ERBB4: variants seen among roughly 807,000 people sequenced by gnomAD.
ERBB4 encodes erb-b2 receptor tyrosine kinase 4.
In ERBB4, 42 loss-of-function variants were observed where a neutral mutation model predicts 158.0. The observed-to-expected ratio is 0.27, with a 90% CI of 0.21 to 0.34. The LOEUF (loss-of-function observed/expected upper bound fraction) is 0.34. Ranked by LOEUF, ERBB4 falls within the 10% of genes least tolerant of loss-of-function variation. ERBB4 has a pLI of 1.00. For synonymous variants in ERBB4, 583 were observed against 558.7 expected, an observed-to-expected ratio of 1.04 and a Z score of -0.61; for missense variants, 1,333 against 1,624.1, an observed-to-expected ratio of 0.82 and a Z score of 3.08.
chr2:212,011,550 A>G (rs537670326), intron 2 of ERBB4, among the ~76,000 whole-genome samples: 1 of 152,216 alleles, frequency 6.6e-6, no homozygotes, highest in Admixed American at 6.5e-5. Flanking sequence ...CATGAGTTCA[A>G]GACCAGCCTG....
intron 2 of ERBB4, among the ~76,000 whole-genome samples, chr2:212,094,070 G>A (rs1257956422): frequency 6.6e-6 from 1 of 151,802 alleles, no homozygotes; most frequent in Non-Finnish European, 1.5e-5. Context: ...ACCATAATAT[G>A]GTTTGGATGT....
chr2:212,080,889 T>C (rs1399938195), intron 2 of ERBB4, among the ~76,000 whole-genome samples: 1 of 152,164 alleles, frequency 6.6e-6, no homozygotes, highest in Non-Finnish European at 1.5e-5. Flanking sequence ...AGCAACCTCA[T>C]AAATCGAATA....
intron 4 of ERBB4, among the ~76,000 whole-genome samples, chr2:211,780,635 T>C (rs1055468555): frequency 2.0e-5 from 3 of 152,218 alleles, no homozygotes; most frequent in Non-Finnish European, 4.4e-5. Flanking sequence ...CAAAACAGCA[T>C]TAAAAAGGCA....
At chr2:212,305,573 C>CA (rs149644422) in intron 1 of ERBB4, among the ~76,000 whole-genome samples, 17,554 of 150,336 alleles carry the variant, frequency 0.12, 1,428 homozygotes, top group Non-Finnish European at 0.18. Flanking sequence ...TGAATCAAAG[C>CA]AAAAAAAACC....
At chr2:212,433,077 T>TATA (rs1217470428) in intron 1 of ERBB4, among the ~76,000 whole-genome samples, 1 of 152,092 alleles carries the variant, frequency 6.6e-6, no homozygotes, top group Non-Finnish European at 1.5e-5. Flanking sequence ...ATTTATAACA[T>TATA]ACAAATCCGA....
At chr2:212,200,103 T>A (rs562185404) in intron 1 of ERBB4, among the ~76,000 whole-genome samples, 80 of 152,314 alleles carry the variant, frequency 5.3e-4, no homozygotes, top group African/African-American at 1.8e-3. Context: ...TATAGGACAT[T>A]AATTTCATCT....
chr2:212,188,214 CTCTCTCTCTCTCTCTCTCT>C, intron 1 of ERBB4, among the ~76,000 whole-genome samples: 2 of 32,800 alleles, frequency 6.1e-5, no homozygotes, highest in African/African-American at 1.1e-4. Context: ...CTCTCTCTCT[CTCTCTCTCTCTCTCTCTCT>C]CCCCCCCCCT....
chr2:212,469,221 G>T (rs11675580), intron 1 of ERBB4, among the ~76,000 whole-genome samples: 46,629 of 151,962 alleles, frequency 0.31, 8,229 homozygotes, highest in Non-Finnish European at 0.4. Flanking sequence ...TATCCTTTCA[G>T]TATTTATAGA....
rs373845830 is a variant in ERBB4 at position 211,721,926 on chromosome 2, C to T, written c.883+467G>A. On this transcript the variant is annotated intron_variant, in intron 7 of 27. Coordinates refer to ENST00000342788, the MANE Select transcript of ERBB4 (RefSeq NM_005235.3). ...CACCCAGGCTGGAGTACAGTGGCAC[C>T]GTCTCGGCTCACTGCAACCTCCACC... 6.6e-5 allele frequency among the ~76,000 whole-genome samples: 10 copies of T among 151,888 alleles called. No individual in the cohort carries two copies. The South Asian group carries it at 1.0e-3, about 16-fold the overall frequency.
chr2:211,915,746 T>C (rs2079671363), intron 3 of ERBB4, among the ~76,000 whole-genome samples: 2 of 151,498 alleles, frequency 1.3e-5, no homozygotes, highest in Non-Finnish European at 2.9e-5. Flanking sequence ...GATAGAGATA[T>C]AAGAAAAAGA....
rs112715095 is a variant in ERBB4, at chr2:211,768,202, C to T, written c.557-17498G>A. On this transcript the variant is annotated intron_variant, in intron 4 of 27. Coordinates refer to ENST00000342788, the MANE Select transcript of ERBB4 (RefSeq NM_005235.3). The stretch of plus-strand genomic sequence containing the variant: ...GGCTCCATGTCTCACATCCAGGTCA[C>T]GTTGATGCAAGAGGTGGGCTCTGAA... 2.2e-3 allele frequency among the ~76,000 whole-genome samples: 333 copies of T among 152,312 alleles called. 3 individuals are homozygous for T. The highest frequency in any genetic ancestry group is 7.5e-3 in the African/African-American group (310 of 41,566).
At position 212,373,951 on chromosome 2, in the gene ERBB4, C is replaced by CCAT. The variant is rs762810727; in HGVS notation, c.82+164497_82+164498insATG. Among the ~76,000 whole-genome samples the CCAT allele has an allele frequency of 5.7e-5, 2 of 35,178 alleles. 1 individual carries two copies. The highest frequency in any genetic ancestry group is 4.1e-4 in the African/African-American group (2 of 4,828). The allele number at this position is 35,178 out of a possible 152,430, so 23.1% of individuals were successfully genotyped here. A position where few individuals can be genotyped will look rare whatever the true frequency, so the allele number is the denominator to read the frequency against. On this transcript the variant is annotated intron_variant, in intron 1 of 27. Transcript: ENST00000342788. ...TATCCATATATATCCATATATATAT[C>CCAT]ATATATATATCCATATATATCCATA...
Position 211,377,233 on chromosome 2 carries a change from G to A in ERBB4, c.*6382C>T, listed in dbSNP as rs2062491264. 3 of 232,880 alleles carry A rather than the reference G, an allele frequency of 1.3e-5. No individual in the cohort carries two copies. Among genetic ancestry groups the A allele is most frequent in the East Asian group, 6.0e-5 (1 of 16,536 alleles). 14.4% of individuals were successfully genotyped at this position (232,880 alleles called of 1,614,324 possible). A position where few individuals can be genotyped will look rare whatever the true frequency, so the allele number is the denominator to read the frequency against. ...GAAATGACATTTGAAAACCAGATTCGTGTCAATATACAGGAGGTATGATTT... is the reference window on the plus strand; with the variant it reads ...GAAATGACATTTGAAAACCAGATTCATGTCAATATACAGGAGGTATGATTT... On this transcript the variant is annotated 3_prime_UTR_variant, in exon 28 of 28. Coordinates refer to ENST00000342788, the MANE Select transcript of ERBB4 (RefSeq NM_005235.3).
intron 2 of ERBB4, among the ~76,000 whole-genome samples, chr2:211,960,020 G>C (rs2081139631): frequency 6.6e-6 from 1 of 152,126 alleles, no homozygotes; most frequent in Admixed American, 6.6e-5. Context: ...TTTGCCTGAG[G>C]AATATTGGAG....
chr2:211,883,197 AC>A (rs1485085443), intron 3 of ERBB4, among the ~76,000 whole-genome samples: 2 of 152,270 alleles, frequency 1.3e-5, no homozygotes, highest in African/African-American at 4.8e-5. Context: ...TATCGCAAGG[AC>A]AAAAAACCAA....
intron 1 of ERBB4, among the ~76,000 whole-genome samples, chr2:212,530,053 T>A: frequency 6.6e-6 from 1 of 152,144 alleles, no homozygotes; most frequent in East Asian, 1.9e-4. Flanking sequence ...ACAAGAGGGA[T>A]CCATGAAAAG....
At chr2:211,551,823 T>C (rs979008464) in intron 20 of ERBB4, among the ~76,000 whole-genome samples, 3 of 152,134 alleles carry the variant, frequency 2.0e-5, no homozygotes, top group African/African-American at 7.2e-5. Flanking sequence ...CAGAAGGAAA[T>C]GGCTGGATTG....
intron 2 of ERBB4, among the ~76,000 whole-genome samples, chr2:212,010,818 C>G (rs1388068704): frequency 6.6e-6 from 1 of 151,982 alleles, no homozygotes; most frequent in Non-Finnish European, 1.5e-5. Flanking sequence ...CCCAGAGGGG[C>G]CGTTTATAGA....
chr2:212,113,160 T>C (rs145690869), intron 2 of ERBB4, among the ~76,000 whole-genome samples: 3 of 152,126 alleles, frequency 2.0e-5, no homozygotes, highest in Admixed American at 6.5e-5. Context: ...GGAATAGAGA[T>C]AGCTTATATT....
Sources: gnomAD v4.1 joint callset for allele counts (sites outside exome capture counted in the v4.1 genomes callset) on GRCh38, gnomAD v4.1.1 for gene constraint, MANE v1.5 for transcripts, NCBI Gene and HGNC (gene_info 2026-07-23, HGNC 2026-07-21) for gene names.